The following FAM13A variants were observed in gnomAD, a reference collection of about 807,000 sequenced individuals.
The protein encoded by FAM13A is protein FAM13A.
FAM13A carries 76 observed loss-of-function variants against 129.6 expected under a neutral mutation model. The ratio of observed to expected loss-of-function variants is 0.59; its 90% confidence interval spans 0.49 to 0.71. The LOEUF (loss-of-function observed/expected upper bound fraction) is 0.71, where lower values mean the gene tolerates loss of function less well. FAM13A is among the 30% of genes least tolerant of loss of function. FAM13A has a pLI of 0.00. For synonymous variants in FAM13A, 443 were observed against 449.9 expected (o/e 0.98, Z 0.20); for missense variants, 1,108 against 1,249.3 (o/e 0.89, Z 1.70).
chr4:88,922,073 G>A (rs1444203634), intron 5 of FAM13A, among the ~76,000 whole-genome samples: 1 of 151,678 alleles, frequency 6.6e-6, no homozygotes, highest in Non-Finnish European at 1.5e-5. Flanking sequence ...GACCTACAAA[G>A]AGACTTAGAC....
At position 88,748,982 on chromosome 4, in the gene FAM13A, C is replaced by A; in HGVS notation, c.2131G>T (p.Asp711Tyr). ...AGTTGTCTCCGGAATTTGGCAAGGT[C>A]ATTTGTCCATTTCAGAACCTCCGGA... ...ANPEVLKWTN[D>Y]LAKFRRQLKE... The change falls in exon 17 of 24, where the codon GAC (aspartate) becomes TAC (tyrosine). Residue 711 changes from aspartate to tyrosine, a missense_variant. Physicochemically the swap from Asp to Tyr is radical, Grantham distance 160. Transcript: ENST00000264344. 1.2e-6 allele frequency: 2 copies of A among 1,613,970 alleles called. No individual in the cohort carries two copies. Among genetic ancestry groups the A allele is most frequent in the South Asian group, 1.1e-5 (1 of 91,050 alleles).
chr4:88,805,824 A>G (rs757465571), intron 7 of FAM13A, among the ~76,000 whole-genome samples: 2 of 151,958 alleles, frequency 1.3e-5, no homozygotes, highest in Non-Finnish European at 2.9e-5. Flanking sequence ...ACGTGCTACC[A>G]TGTCAGGCTA....
At chr4:88,781,431 A>G in intron 10 of FAM13A, 80 bp from the exon 11 acceptor site, 1 of 964,294 alleles carries the variant, frequency 1.0e-6, no homozygotes, top group Non-Finnish European at 1.5e-6. Context: ...ATCATATCAT[A>G]CCTAGGAAAT....
At chr4:88,849,174 ATTCATTCATC>A (rs1737146639) in intron 7 of FAM13A, among the ~76,000 whole-genome samples, 1 of 152,332 alleles carries the variant, frequency 6.6e-6, no homozygotes, top group South Asian at 2.1e-4. Context: ...TTGAATTTTC[ATTCATTCATC>A]TTCTATCTCC....
At chr4:88,939,297 C>T (rs948959242) in intron 4 of FAM13A, among the ~76,000 whole-genome samples, 2 of 152,090 alleles carry the variant, frequency 1.3e-5, no homozygotes, top group African/African-American at 4.8e-5. Context: ...AGGTGCATCA[C>T]ATCAATCTTT....
Position 88,991,154 on chromosome 4 carries a change from GA to G in FAM13A, c.428-5del, listed in dbSNP as rs753951902. The stretch of plus-strand genomic sequence containing the variant: ...TCCTGAACATCATTTCTGCCATCTG[GA>G]AAAAAAAAGAATAAAAATGTTCTAA... On this transcript the variant is annotated splice_polypyrimidine_tract_variant and splice_region_variant and intron_variant, in intron 3 of 23. Coordinates refer to ENST00000264344, the MANE Select transcript of FAM13A (RefSeq NM_014883.4). 5.1e-5 allele frequency: 80 copies of G among 1,564,306 alleles called. No homozygotes were observed. The highest frequency in any genetic ancestry group is 1.7e-4 in the Middle Eastern group (1 of 5,842).
chr4:88,980,801 A>G (rs1023419252), intron 4 of FAM13A, among the ~76,000 whole-genome samples: 6 of 152,370 alleles, frequency 3.9e-5, no homozygotes, highest in African/African-American at 1.4e-4. Context: ...ATAAAATGAC[A>G]GCAACATTAT....
intron 7 of FAM13A, among the ~76,000 whole-genome samples, chr4:88,834,084 CT>C (rs1161327631): frequency 1.7e-5 from 1 of 58,872 alleles, no homozygotes; most frequent in Non-Finnish European, 3.5e-5. Context: ...TTTTTTTTTA[CT>C]TTTTTTTGTA....
chr4:89,016,912 G>A (rs1402494708), intron 3 of FAM13A, among the ~76,000 whole-genome samples: 1 of 152,200 alleles, frequency 6.6e-6, no homozygotes, highest in African/African-American at 2.4e-5. Context: ...TGGGTTACAG[G>A]CATAAGCCAC....
chr4:89,009,538 C>T (rs1765473608), intron 3 of FAM13A, among the ~76,000 whole-genome samples: 1 of 152,186 alleles, frequency 6.6e-6, no homozygotes, highest in Non-Finnish European at 1.5e-5. Flanking sequence ...TTATTCCAAT[C>T]ACAAAAGCCA....
chr4:88,763,585 A>G (rs1478065931), intron 13 of FAM13A, among the ~76,000 whole-genome samples: 1 of 152,102 alleles, frequency 6.6e-6, no homozygotes, highest in Non-Finnish European at 1.5e-5. Context: ...GTCCAGCTGG[A>G]CCTACCTTTT....
intron 7 of FAM13A, among the ~76,000 whole-genome samples, chr4:88,827,566 C>T (rs1733215874): frequency 6.6e-6 from 1 of 152,180 alleles, no homozygotes; most frequent in Admixed American, 6.5e-5. Flanking sequence ...ATTATCTGAT[C>T]TCCAAATTTC....
chr4:89,051,126 C>A (rs1403900863), intron 1 of FAM13A, among the ~76,000 whole-genome samples: 1 of 152,108 alleles, frequency 6.6e-6, no homozygotes, highest in Non-Finnish European at 1.5e-5. Context: ...GTTCAGACTG[C>A]TACAACAAAA....
intron 6 of FAM13A, among the ~76,000 whole-genome samples, chr4:88,878,432 A>AT (rs1353317273): frequency 6.6e-6 from 1 of 151,826 alleles, no homozygotes; most frequent in Non-Finnish European, 1.5e-5. Flanking sequence ...CTGGTAATGC[A>AT]TTTTTTTCCT....
chr4:88,922,618 A>C (rs1751320253), intron 5 of FAM13A, among the ~76,000 whole-genome samples: 1 of 152,208 alleles, frequency 6.6e-6, no homozygotes, highest in African/African-American at 2.4e-5. Flanking sequence ...CAAAATTGAC[A>C]CTCTAACATC....
rs763500308 is a variant in FAM13A at position 88,787,907 on chromosome 4, C to A, written c.1117G>T (p.Ala373Ser). Residue 373 changes from alanine (A) to serine (S), a missense_variant, in exon 10 of 24, where the codon GCT (alanine) becomes TCT (serine). Around this residue, in one of 3 missense-constraint regions of FAM13A, gnomAD observed 566 missense variants for 595.7 expected, o/e 0.95. Coordinates refer to ENST00000264344, the MANE Select transcript of FAM13A (RefSeq NM_014883.4). ...GELLERTIRS[A>S]VEQHLFDVNN... The stretch of plus-strand genomic sequence containing the variant: ...ACATCAAAAAGATGTTGTTCTACAG[C>A]TGATCGGATGGTTCTTTCTAAGAGT... The A allele has an allele frequency of 2.0e-5, 33 of 1,613,204 alleles. No homozygotes were observed. In the South Asian group the frequency reaches 3.6e-4, roughly 18 times the overall value.
intron 6 of FAM13A, among the ~76,000 whole-genome samples, chr4:88,889,949 T>C (rs991869139): frequency 1.3e-5 from 2 of 152,128 alleles, no homozygotes; most frequent in Non-Finnish European, 2.9e-5. Context: ...GTCATAATTG[T>C]AGAACACAGC....
intron 11 of FAM13A, among the ~76,000 whole-genome samples, chr4:88,774,009 A>G (rs1400313150): frequency 6.6e-6 from 1 of 152,132 alleles, no homozygotes; most frequent in African/African-American, 2.4e-5. Context: ...CCTCTGCTAC[A>G]TCTTTGACCT....
chr4:88,767,689 T>A, intron 12 of FAM13A, 94 bp from the exon 13 acceptor site: 1 of 1,027,864 alleles, frequency 9.7e-7, no homozygotes, highest in Admixed American at 2.8e-5. Context: ...TTTAAGAGTA[T>A]GTTGAGTAGC....
Sources: gnomAD v4.1 joint callset for allele counts (sites outside exome capture counted in the v4.1 genomes callset) on GRCh38, gnomAD v4.1.1 for gene constraint, gnomAD v4.1.1 regional missense constraint, MANE v1.5 for transcripts, NCBI Gene and HGNC (gene_info 2026-07-23, HGNC 2026-07-21) for gene names.